SLC9B2: variants seen among roughly 807,000 people sequenced by gnomAD.
SLC9B2 encodes the protein sodium/hydrogen exchanger 9B2.
SLC9B2 carries 39 observed loss-of-function variants against 52.2 expected under a neutral mutation model. The observed-to-expected ratio is 0.75, with a 90% confidence interval of 0.58 to 0.98. The LOEUF (loss-of-function observed/expected upper bound fraction) is 0.98. SLC9B2 is among the 50% of genes least tolerant of loss of function. The pLI is 0.00. For synonymous variants in SLC9B2, 214 were observed against 227.0 expected, an observed-to-expected ratio of 0.94 and a Z score of 0.51; for missense variants, 626 against 637.5, an observed-to-expected ratio of 0.98 and a Z score of 0.19.
intron 1 of SLC9B2, among the ~76,000 whole-genome samples, chr4:103,075,136 TAAC>T (rs1746999131): frequency 6.6e-6 from 1 of 152,178 alleles, no homozygotes; most frequent in African/African-American, 2.4e-5. Flanking sequence ...CCCCATCCCT[TAAC>T]AAGTTTCATT....
chr4:103,044,551 C>T (rs954617940), intron 8 of SLC9B2, among the ~76,000 whole-genome samples: 1 of 151,958 alleles, frequency 6.6e-6, no homozygotes, highest in Non-Finnish European at 1.5e-5. Context: ...TATTTTGATA[C>T]TAAAAAAGGG....
chr4:103,031,166 C>T (rs1304627926), intron 10 of SLC9B2, among the ~76,000 whole-genome samples: 2 of 151,910 alleles, frequency 1.3e-5, no homozygotes. Context: ...TGGAAGAATA[C>T]TGTGATGGAA....
At chr4:103,056,921 T>TA (rs1254873800) in intron 4 of SLC9B2, among the ~76,000 whole-genome samples, 1 of 152,172 alleles carries the variant, frequency 6.6e-6, no homozygotes, top group Non-Finnish European at 1.5e-5. Flanking sequence ...TATTTTTGCT[T>TA]ATAAGATGAA....
rs193112384 is a variant in SLC9B2 at position 103,028,637 on chromosome 4, C to G, written c.1392+110G>C. 7.2e-5 allele frequency: 94 copies of G among 1,298,530 alleles called. 1 individual carries two copies. In the East Asian group the frequency reaches 2.3e-3, roughly 32 times the overall value. The allele number at this position is 1,298,530 out of a possible 1,614,324, so 80.4% of individuals were successfully genotyped here. A position where few individuals can be genotyped will look rare whatever the true frequency, so the allele number is the denominator to read the frequency against. On this transcript the variant is annotated intron_variant, in intron 11 of 11. Transcript: ENST00000394785. Reference sequence around the variant, plus strand: ...ATTAGGATAAACTCTTTTCATAAATCCACTTCAATTATTTATTTTCACTAA... The same window carrying G: ...ATTAGGATAAACTCTTTTCATAAATGCACTTCAATTATTTATTTTCACTAA...
chr4:103,067,806 C>A (rs187591920), intron 1 of SLC9B2, among the ~76,000 whole-genome samples: 24 of 152,140 alleles, frequency 1.6e-4, no homozygotes, highest in African/African-American at 5.8e-4. Context: ...CTTGAAAAAG[C>A]CTTTGTTGAC....
intron 10 of SLC9B2, among the ~76,000 whole-genome samples, chr4:103,030,847 C>G (rs1392128988): frequency 6.6e-6 from 1 of 151,980 alleles, no homozygotes; most frequent in Non-Finnish European, 1.5e-5. Context: ...CAACAATTTC[C>G]CTTTACTCCC....
chr4:103,039,350 G>A lies in SLC9B2; in HGVS notation c.1146+3946C>T, dbSNP rs540488384. On this transcript the variant is annotated intron_variant, in intron 9 of 11. Coordinates refer to ENST00000394785, the MANE Select transcript of SLC9B2 (RefSeq NM_178833.7). ...TTTACCGAATCCTCCAGTCAGTGAA[G>A]TTGTCATCATCACTGGGAAGTTAGA... 8.1e-4 allele frequency among the ~76,000 whole-genome samples: 124 copies of A among 152,282 alleles called. 2 individuals are homozygous for A. The highest frequency in any genetic ancestry group is 3.7e-3 in the South Asian group (18 of 4,824).
chr4:103,018,439 T>C (rs1741518248), downstream of SLC9B2, among the ~76,000 whole-genome samples: 1 of 152,232 alleles, frequency 6.6e-6, no homozygotes, highest in Non-Finnish European at 1.5e-5. Flanking sequence ...ACAATACCTA[T>C]GAATGCCCTT....
At chr4:103,026,734 G>T in intron 11 of SLC9B2, 143 bp from the exon 12 acceptor site, 1 of 677,146 alleles carries the variant, frequency 1.5e-6, no homozygotes, top group Non-Finnish European at 2.4e-6. Context: ...TATACCTAAT[G>T]CTAAATGACG....
downstream of SLC9B2, chr4:103,019,608 C>A (rs1039124390): frequency 1.9e-5 from 19 of 985,380 alleles, no homozygotes; most frequent in South Asian, 4.7e-5. Flanking sequence ...CCTACAACTT[C>A]TTTCGCAGCC....
chr4:103,071,012 G>A (rs186021585), intron 1 of SLC9B2, among the ~76,000 whole-genome samples: 4 of 152,154 alleles, frequency 2.6e-5, no homozygotes, highest in Admixed American at 2.0e-4. Context: ...GTCCTTAAGA[G>A]ATCAAGAATA....
At chr4:103,062,366 C>G (rs912454433) in intron 3 of SLC9B2, among the ~76,000 whole-genome samples, 25 of 151,486 alleles carry the variant, frequency 1.7e-4, no homozygotes, top group Admixed American at 1.4e-3. Flanking sequence ...TTGCAGTGAG[C>G]CGAGATCGAG....
chr4:103,052,589 A>T (rs1261460694), intron 4 of SLC9B2, among the ~76,000 whole-genome samples: 1 of 152,204 alleles, frequency 6.6e-6, no homozygotes, highest in Non-Finnish European at 1.5e-5. Context: ...ATGAAATTTA[A>T]AATGTGTTTC....
intron 4 of SLC9B2, among the ~76,000 whole-genome samples, chr4:103,056,397 G>A (rs942529337): frequency 1.3e-5 from 2 of 152,026 alleles, no homozygotes; most frequent in Non-Finnish European, 1.5e-5. Flanking sequence ...ACAGGCACCC[G>A]CCACCACGCC....
chr4:103,029,338 T>C (rs572172084), intron 10 of SLC9B2, among the ~76,000 whole-genome samples: 1 of 152,080 alleles, frequency 6.6e-6, no homozygotes, highest in South Asian at 2.1e-4. Flanking sequence ...ATACAGTAAG[T>C]GAGGTATAAA....
At chr4:103,071,229 A>G (rs1334386199) in intron 1 of SLC9B2, among the ~76,000 whole-genome samples, 3 of 151,474 alleles carry the variant, frequency 2.0e-5, no homozygotes, top group African/African-American at 7.3e-5. Context: ...TTTGAGATGG[A>G]TTCTCGCTCT....
chr4:103,063,341 A>G (rs1166997500), intron 3 of SLC9B2, among the ~76,000 whole-genome samples: 1 of 152,200 alleles, frequency 6.6e-6, no homozygotes, highest in Non-Finnish European at 1.5e-5. Flanking sequence ...ACTTGGTTTC[A>G]TTAAAAACAC....
chr4:103,046,440 AC>A (rs376447339), intron 7 of SLC9B2, among the ~76,000 whole-genome samples: 12 of 150,022 alleles, frequency 8.0e-5, no homozygotes, highest in African/African-American at 2.9e-4. Context: ...AGAAAAAATA[AC>A]TTAAGTTCCT....
At chr4:103,056,671 A>G (rs573396285) in intron 4 of SLC9B2, among the ~76,000 whole-genome samples, 1 of 152,376 alleles carries the variant, frequency 6.6e-6, no homozygotes, top group East Asian at 1.9e-4. Flanking sequence ...AAGGATGTGC[A>G]GCACACAGTT....
Sources: allele counts gnomAD v4.1 joint callset (sites outside exome capture counted in the v4.1 genomes callset), GRCh38; gene constraint gnomAD v4.1.1; transcripts MANE v1.5; gene names NCBI Gene and HGNC (gene_info 2026-07-23, HGNC 2026-07-21).